LRP1B: variants seen among roughly 807,000 people sequenced by gnomAD.
The protein encoded by LRP1B is LDL receptor related protein 1B, also known as low-density lipoprotein receptor-related protein 1B.
Under a neutral mutation model 556.6 loss-of-function variants are expected in LRP1B, and 217 were observed. The ratio of observed to expected loss-of-function variants is 0.39; its 90% CI spans 0.35 to 0.44. The LOEUF (loss-of-function observed/expected upper bound fraction) is 0.44, where lower values mean the gene tolerates loss of function less well. Ranked by LOEUF, LRP1B falls within the 20% of genes least tolerant of loss-of-function variation. The probability of loss-of-function intolerance (pLI) is 1.00; values close to 1 mark genes in which losing one functional copy is unlikely to be tolerated. For missense variants in LRP1B, 5,053 were observed against 5,620.8 expected, an observed-to-expected ratio of 0.90 and a Z score of 3.23; for synonymous variants, 2,047 against 1,865.8, an observed-to-expected ratio of 1.10 and a Z score of -2.50.
At chr2:141,117,435 T>A (rs1410455165) in intron 7 of LRP1B, among the ~76,000 whole-genome samples, 1 of 151,916 alleles carries the variant, frequency 6.6e-6, no homozygotes, top group African/African-American at 2.4e-5. Context: ...GCAAGTAGTT[T>A]TAATCAGAAT....
chr2:140,752,176 G>A (rs915477946), intron 35 of LRP1B, among the ~76,000 whole-genome samples: 3 of 151,924 alleles, frequency 2.0e-5, no homozygotes, highest in African/African-American at 4.8e-5. Flanking sequence ...TTAGCTCGGC[G>A]TGGTGGCACG....
intron 2 of LRP1B, among the ~76,000 whole-genome samples, chr2:141,801,161 C>G (rs557371120): frequency 1.3e-5 from 2 of 152,176 alleles, no homozygotes; most frequent in African/African-American, 2.4e-5. Flanking sequence ...AGATTATAAC[C>G]TAATATAGTA....
At chr2:141,385,026 C>A (rs1689777806) in intron 3 of LRP1B, among the ~76,000 whole-genome samples, 1 of 152,118 alleles carries the variant, frequency 6.6e-6, no homozygotes, top group East Asian at 1.9e-4. Flanking sequence ...CTTTCTAATA[C>A]CTTTGTCTCT....
At chr2:140,256,670 T>C (rs1470366443) in intron 86 of LRP1B, among the ~76,000 whole-genome samples, 1 of 151,470 alleles carries the variant, frequency 6.6e-6, no homozygotes, top group Non-Finnish European at 1.5e-5. Context: ...GGTTTCAGCA[T>C]GTTGGCTAGG....
At chr2:141,248,825 T>A (rs1488872480) in intron 4 of LRP1B, among the ~76,000 whole-genome samples, 1 of 152,104 alleles carries the variant, frequency 6.6e-6, no homozygotes, top group Non-Finnish European at 1.5e-5. Flanking sequence ...TCCTAGAAAA[T>A]TAGATATGTG....
At chr2:140,335,940 G>A in intron 77 of LRP1B, 102 bp from the exon 78 acceptor site, 1 of 739,800 alleles carries the variant, frequency 1.4e-6, no homozygotes, top group Non-Finnish European at 2.4e-6. Flanking sequence ...TAAGAACATA[G>A]TCATGAGTTA....
intron 2 of LRP1B, among the ~76,000 whole-genome samples, chr2:141,509,740 G>C (rs1054979981): frequency 6.6e-6 from 1 of 152,080 alleles, no homozygotes; most frequent in Non-Finnish European, 1.5e-5. Flanking sequence ...AAGCAAAAGT[G>C]TACTGTAATG....
intron 66 of LRP1B, among the ~76,000 whole-genome samples, chr2:140,437,981 G>C (rs1442886826): frequency 6.6e-6 from 1 of 151,976 alleles, no homozygotes; most frequent in Non-Finnish European, 1.5e-5. Context: ...CATGATACTT[G>C]TTATATAACA....
intron 41 of LRP1B, among the ~76,000 whole-genome samples, chr2:140,635,165 A>G (rs1684028479): frequency 6.6e-6 from 1 of 152,092 alleles, no homozygotes; most frequent in Non-Finnish European, 1.5e-5. Flanking sequence ...TTGAGACTAT[A>G]AGCTACTTCA....
chr2:140,398,048 A>G (rs965481264), intron 66 of LRP1B, among the ~76,000 whole-genome samples: 1 of 152,134 alleles, frequency 6.6e-6, no homozygotes, highest in Non-Finnish European at 1.5e-5. Context: ...CTTATCATTC[A>G]TGTTTATTTG....
intron 2 of LRP1B, among the ~76,000 whole-genome samples, chr2:141,575,684 AC>A (rs869196764): frequency 4.6e-5 from 7 of 152,032 alleles, no homozygotes; most frequent in African/African-American, 1.7e-4. Context: ...ATGAGAGAAA[AC>A]TTTTGCAATC....
intron 7 of LRP1B, among the ~76,000 whole-genome samples, chr2:141,138,890 G>C (rs1484776740): frequency 4.6e-5 from 7 of 151,822 alleles, no homozygotes; most frequent in Non-Finnish European, 7.4e-5. Context: ...AAATTTGAAA[G>C]ACCTAGAATA....
intron 41 of LRP1B, 48 bp from the exon 42 acceptor site, chr2:140,601,687 A>T: frequency 7.2e-7 from 1 of 1,387,746 alleles, no homozygotes; most frequent in Non-Finnish European, 9.7e-7. Context: ...TTTACAAAAA[A>T]ATGACTTCTG....
At chr2:140,477,718 C>A (rs559037990) in intron 59 of LRP1B, among the ~76,000 whole-genome samples, 1 of 152,158 alleles carries the variant, frequency 6.6e-6, no homozygotes, top group African/African-American at 2.4e-5. Flanking sequence ...TCATCATGAA[C>A]CAAGACACCA....
At chr2:141,548,337 A>G (rs1685625114) in intron 2 of LRP1B, among the ~76,000 whole-genome samples, 1 of 152,302 alleles carries the variant, frequency 6.6e-6, no homozygotes, top group South Asian at 2.1e-4. Flanking sequence ...CTGGAGGATG[A>G]CTGTGAACTA....
intron 43 of LRP1B, among the ~76,000 whole-genome samples, chr2:140,589,998 G>A (rs1052274411): frequency 6.6e-6 from 1 of 151,944 alleles, no homozygotes; most frequent in Admixed American, 6.6e-5. Flanking sequence ...TAATCATTAG[G>A]GAAAACTGGG....
chr2:140,502,419 A>G (rs1050219067), intron 54 of LRP1B, among the ~76,000 whole-genome samples: 2 of 152,020 alleles, frequency 1.3e-5, no homozygotes, highest in African/African-American at 4.8e-5. Flanking sequence ...ACCATCATAC[A>G]TGCTAAAAGA....
intron 2 of LRP1B, among the ~76,000 whole-genome samples, chr2:141,783,733 ATAT>A (rs1374093689): frequency 3.3e-5 from 5 of 151,848 alleles, no homozygotes; most frequent in African/African-American, 1.2e-4. Flanking sequence ...ATTTGATTAA[ATAT>A]TATATTATTA....
intron 25 of LRP1B, among the ~76,000 whole-genome samples, chr2:140,881,043 T>C (rs889064557): frequency 7.9e-5 from 12 of 152,128 alleles, no homozygotes; most frequent in African/African-American, 2.7e-4. Context: ...GTGAATTTTA[T>C]CTAAAATTAA....
Sources: allele counts gnomAD v4.1 joint callset (sites outside exome capture counted in the v4.1 genomes callset), GRCh38; gene constraint gnomAD v4.1.1; transcripts MANE v1.5; gene names NCBI Gene and HGNC (gene_info 2026-07-23, HGNC 2026-07-21).